Variants in IL1RAPL2 observed in about 807,000 individuals in gnomAD.
The protein encoded by IL1RAPL2 is X-linked interleukin-1 receptor accessory protein-like 2.
A neutral mutation model predicts 44.1 loss-of-function variants in IL1RAPL2; 3 were observed. The ratio of observed to expected loss-of-function variants is 0.07; its 90% CI spans 0.03 to 0.18. The LOEUF (loss-of-function observed/expected upper bound fraction) is 0.18. IL1RAPL2 is among the 10% of genes least tolerant of loss of function. The pLI, the probability that IL1RAPL2 is intolerant of heterozygous loss-of-function variation, is 1.00. For synonymous variants in IL1RAPL2, 181 were observed against 178.8 expected (o/e 1.01, Z -0.10); for missense variants, 391 against 496.4 (o/e 0.79, Z 2.02).
intron 2 of IL1RAPL2, among the ~76,000 whole-genome samples, chrX:104,792,835 C>A (rs1006617885): frequency 8.9e-6 from 1 of 111,732 alleles, no homozygotes; most frequent in Non-Finnish European, 1.9e-5. Context: ...AAAAAAAATT[C>A]TTAAGATATT....
chrX:105,020,277 G>A (rs1179430359), intron 2 of IL1RAPL2, among the ~76,000 whole-genome samples: 1 of 111,327 alleles, frequency 9.0e-6, no homozygotes, highest in African/African-American at 3.3e-5. Context: ...GTATCACTGG[G>A]CCCGACCTAG....
chrX:105,406,556 T>C (rs903971643), intron 5 of IL1RAPL2: 2 of 1,194,436 alleles, frequency 1.7e-6, no homozygotes, highest in Non-Finnish European at 1.1e-6. Flanking sequence ...TGAACTTCAG[T>C]GGTGCTGATC....
chrX:105,376,716 A>C (rs1309353112), intron 5 of IL1RAPL2, among the ~76,000 whole-genome samples: 3 of 111,922 alleles, frequency 2.7e-5, no homozygotes, highest in Non-Finnish European at 5.6e-5. Flanking sequence ...AGGTGTATGC[A>C]AGGAAAACTA....
intron 2 of IL1RAPL2, among the ~76,000 whole-genome samples, chrX:104,941,446 A>G (rs770989115): frequency 4.5e-5 from 5 of 111,800 alleles, no homozygotes; most frequent in Non-Finnish European, 7.5e-5. Context: ...TATTTCTCTG[A>G]TGGTCAGTGA....
chrX:104,715,909 A>G (rs1260497363), intron 2 of IL1RAPL2, among the ~76,000 whole-genome samples: 1 of 111,053 alleles, frequency 9.0e-6, no homozygotes, highest in Non-Finnish European at 1.9e-5. Flanking sequence ...AACCACTGAC[A>G]TTCTTTACCG....
At chrX:105,305,593 C>T (rs1029969539) in intron 5 of IL1RAPL2, among the ~76,000 whole-genome samples, 1 of 110,684 alleles carries the variant, frequency 9.0e-6, no homozygotes, top group Non-Finnish European at 1.9e-5. Context: ...AAAGTTTTTG[C>T]TATTTTTTTC....
At chrX:104,576,647 T>C (rs1048582478) in intron 1 of IL1RAPL2, among the ~76,000 whole-genome samples, 1 of 112,095 alleles carries the variant, frequency 8.9e-6, no homozygotes, top group Non-Finnish European at 1.9e-5. Context: ...AAATGTACAA[T>C]TATTTCCCAA....
At chrX:105,213,021 G>GA (rs1470700545) in intron 3 of IL1RAPL2, among the ~76,000 whole-genome samples, 2 of 111,463 alleles carry the variant, frequency 1.8e-5, no homozygotes, top group Non-Finnish European at 3.8e-5. Flanking sequence ...CAGAGATGAG[G>GA]AAAAATCAGT....
intron 2 of IL1RAPL2, among the ~76,000 whole-genome samples, chrX:105,075,688 G>A (rs1250088281): frequency 9.0e-6 from 1 of 111,662 alleles, no homozygotes; most frequent in African/African-American, 3.3e-5. Flanking sequence ...TTTTTTGGTT[G>A]GTAAGCTATT....
At chrX:105,682,220 C>T (rs773766931) in intron 6 of IL1RAPL2, among the ~76,000 whole-genome samples, 5 of 111,625 alleles carry the variant, frequency 4.5e-5, no homozygotes, top group African/African-American at 1.6e-4. Context: ...TGAATATATC[C>T]TTTACAGAGA....
intron 5 of IL1RAPL2, among the ~76,000 whole-genome samples, chrX:105,329,001 G>T (rs1046867191): frequency 6.2e-5 from 7 of 112,509 alleles, no homozygotes; most frequent in African/African-American, 2.3e-4. Flanking sequence ...GCATGGCTGT[G>T]CTGACTGGTG....
At chrX:105,123,778 A>G (rs1395594007) in intron 2 of IL1RAPL2, among the ~76,000 whole-genome samples, 1 of 111,162 alleles carries the variant, frequency 9.0e-6, no homozygotes, top group East Asian at 2.8e-4. Flanking sequence ...TCCCTTAAGT[A>G]ACCTAGAGAT....
At chrX:105,175,128 G>A (rs2033460901) in intron 2 of IL1RAPL2, among the ~76,000 whole-genome samples, 1 of 111,160 alleles carries the variant, frequency 9.0e-6, no homozygotes, top group Non-Finnish European at 1.9e-5. Context: ...TACACAGTGA[G>A]GAGTTAAGAA....
chrX:104,813,998 G>GT (rs1464835896), intron 2 of IL1RAPL2, among the ~76,000 whole-genome samples: 2 of 111,060 alleles, frequency 1.8e-5, no homozygotes, highest in Non-Finnish European at 3.8e-5. Flanking sequence ...TTTAGACTCT[G>GT]TTTTTTTCCC....
chrX:105,361,227 A>G (rs771498534), intron 5 of IL1RAPL2, among the ~76,000 whole-genome samples: 1 of 111,381 alleles, frequency 9.0e-6, no homozygotes, highest in East Asian at 2.8e-4. Flanking sequence ...AAGCTAAACA[A>G]AAGATGCTGA....
At position 104,613,806 on chromosome X, in the gene IL1RAPL2, G is replaced by GTTT. The variant is rs60588678; in HGVS notation, c.-19-45070_-19-45068dup. Reference sequence around the variant, plus strand: ...TGTAAATCCATCAGGTCCAGGGCATGTTTTTTTTTTTTTTTTTTTTTGGTT... The same window carrying GTTT: ...TGTAAATCCATCAGGTCCAGGGCATGTTTTTTTTTTTTTTTTTTTTTTTTGGTT... On this transcript the variant is annotated intron_variant, in intron 1 of 10. Coordinates refer to ENST00000372582, the MANE Select transcript of IL1RAPL2 (RefSeq NM_017416.2). Among the ~76,000 whole-genome samples the GTTT allele has an allele frequency of 1.4e-3, 84 of 61,846 alleles. 1 individual carries two copies. The highest frequency in any genetic ancestry group is 5.1e-3 in the African/African-American group (79 of 15,618). 53.7% of individuals were successfully genotyped at this position (61,846 alleles called of 115,157 possible). A position where few individuals can be genotyped will look rare whatever the true frequency, so the allele number is the denominator to read the frequency against.
At chrX:105,763,006 G>A (rs1301638177) in intron 10 of IL1RAPL2, among the ~76,000 whole-genome samples, 2 of 111,190 alleles carry the variant, frequency 1.8e-5, no homozygotes, top group Non-Finnish European at 3.8e-5. Context: ...GCCTGTCAGG[G>A]ACTACTACTA....
intron 2 of IL1RAPL2, among the ~76,000 whole-genome samples, chrX:104,697,505 A>C (rs949067277): frequency 1.8e-5 from 2 of 112,283 alleles, no homozygotes; most frequent in African/African-American, 6.5e-5. Context: ...CTCCTAAGCA[A>C]CATTTCACAA....
intron 2 of IL1RAPL2, among the ~76,000 whole-genome samples, chrX:104,847,780 G>A (rs968533601): frequency 1.8e-5 from 2 of 111,791 alleles, no homozygotes; most frequent in African/African-American, 6.5e-5. Flanking sequence ...AAATTAGCTT[G>A]GGCAGTATTG....
Sources: allele counts gnomAD v4.1 joint callset (sites outside exome capture counted in the v4.1 genomes callset), GRCh38; gene constraint gnomAD v4.1.1; transcripts MANE v1.5; gene names NCBI Gene and HGNC (gene_info 2026-07-23, HGNC 2026-07-21).